IQSEC1: variants seen among roughly 807,000 people sequenced by gnomAD.
IQSEC1 encodes IQ motif and SEC7 domain-containing protein 1.
Under a neutral mutation model 91.0 loss-of-function variants are expected in IQSEC1, and 31 were observed. The ratio of observed to expected loss-of-function variants is 0.34; its 90% CI spans 0.26 to 0.46. IQSEC1 has a LOEUF of 0.46. IQSEC1 is among the 20% of genes least tolerant of loss of function. IQSEC1 has a pLI of 1.00. For missense variants in IQSEC1, 1,388 were observed against 1,575.6 expected, an observed-to-expected ratio of 0.88 and a Z score of 2.02; for synonymous variants, 699 against 662.6, an observed-to-expected ratio of 1.05 and a Z score of -0.84.
At position 13,099,817 on chromosome 3, in the gene IQSEC1, A is replaced by G. The variant is rs370450527; in HGVS notation, c.303-52295T>C. ...CTCTCTCTGTGAAACCACAGCCATC[A>G]GTGAAGGGGGCAGTTGCACCTCAGC... On this transcript the variant is annotated intron_variant, in intron 2 of 15. Coordinates refer to the IQSEC1 transcript ENST00000648114. Among the ~76,000 whole-genome samples the G allele has an allele frequency of 5.8e-4, 88 of 152,178 alleles. 1 individual carries two copies. In the South Asian group the frequency reaches 0.016, roughly 27 times the overall value.
chr3:12,943,654 G>A (rs1366606286), intron 1 of IQSEC1, among the ~76,000 whole-genome samples: 2 of 152,226 alleles, frequency 1.3e-5, no homozygotes, highest in Non-Finnish European at 2.9e-5. Flanking sequence ...ACCCAGGGCA[G>A]TGGGTCCAGC....
At chr3:13,178,886 C>T (rs1430744089) in intron 1 of IQSEC1, among the ~76,000 whole-genome samples, 1 of 152,198 alleles carries the variant, frequency 6.6e-6, no homozygotes, top group Non-Finnish European at 1.5e-5. Flanking sequence ...TTGAACCTTA[C>T]ATTTGTTTTA....
intron 4 of IQSEC1, among the ~76,000 whole-genome samples, chr3:12,923,691 A>C (rs1696842878): frequency 1.3e-5 from 2 of 152,236 alleles, no homozygotes; most frequent in South Asian, 4.1e-4. Context: ...TCCTAGGGAG[A>C]AGCAGCAGAG....
rs1695358881 is a variant in IQSEC1, at chr3:12,909,489, A to C, written c.2417-55T>G. The C allele has an allele frequency of 6.5e-7, 1 of 1,530,486 alleles. No homozygotes were observed. The highest frequency in any genetic ancestry group is 1.7e-5 in the Admixed American group (1 of 58,228). 94.8% of individuals were successfully genotyped at this position (1,530,486 alleles called of 1,614,324 possible). A position where few individuals can be genotyped will look rare whatever the true frequency, so the allele number is the denominator to read the frequency against. Reference sequence around the variant, plus strand: ...CCACGGGTCTCAGTGTGTTCTCTGCAATCTCCTCTCTGGTCAGGAAACAAT... The same window carrying C: ...CCACGGGTCTCAGTGTGTTCTCTGCCATCTCCTCTCTGGTCAGGAAACAAT... On this transcript the variant is annotated intron_variant, in intron 10 of 13. Coordinates refer to ENST00000613206, the MANE Select transcript of IQSEC1 (RefSeq NM_001134382.3). This position sits in a 1 kb window ranked among gnomAD's most constrained non-coding sequence, Gnocchi z 4.9.
At chr3:12,972,900 T>C (rs534365436) in intron 1 of IQSEC1, among the ~76,000 whole-genome samples, 5 of 152,334 alleles carry the variant, frequency 3.3e-5, no homozygotes, top group African/African-American at 1.2e-4. Flanking sequence ...GACAGCTGCA[T>C]GGAACACAGC....
chr3:13,115,632 C>T (rs1706322774), intron 2 of IQSEC1, among the ~76,000 whole-genome samples: 1 of 152,248 alleles, frequency 6.6e-6, no homozygotes, highest in African/African-American at 2.4e-5. Context: ...CACACTGGCA[C>T]CTGGGCTCAG....
intron 1 of IQSEC1, among the ~76,000 whole-genome samples, chr3:13,034,744 C>T (rs537153471): frequency 7.6e-4 from 116 of 152,350 alleles, no homozygotes; most frequent in Non-Finnish European, 1.5e-3. Context: ...TCTCAAGGCC[C>T]TGCCAGTTTG....
At chr3:13,032,970 CT>C (rs1487222246) in intron 1 of IQSEC1, among the ~76,000 whole-genome samples, 1 of 152,242 alleles carries the variant, frequency 6.6e-6, no homozygotes, top group African/African-American at 2.4e-5. Context: ...ACACGAGGGC[CT>C]CGGGGCCTGG....
chr3:13,170,030 G>A (rs1294212562), intron 1 of IQSEC1, among the ~76,000 whole-genome samples: 2 of 152,230 alleles, frequency 1.3e-5, no homozygotes, highest in Non-Finnish European at 2.9e-5. Flanking sequence ...GGAATGTCAA[G>A]AGGTCTTCAC....
At chr3:13,212,156 T>C (rs868361424) in intron 1 of IQSEC1, among the ~76,000 whole-genome samples, 1 of 152,204 alleles carries the variant, frequency 6.6e-6, no homozygotes. Context: ...ACCAAGGTTG[T>C]TGTGCTATCA....
chr3:13,153,692 C>T (rs1409758707), intron 2 of IQSEC1, among the ~76,000 whole-genome samples: 1 of 152,202 alleles, frequency 6.6e-6, no homozygotes, highest in Non-Finnish European at 1.5e-5. Context: ...AGCAGGTGGG[C>T]ATGCACGGTG....
intron 1 of IQSEC1, among the ~76,000 whole-genome samples, chr3:12,951,045 A>C (rs1699509726): frequency 6.6e-6 from 1 of 152,186 alleles, no homozygotes. Context: ...AAGGAGTTCA[A>C]GGCTGCAGTT....
chr3:13,066,528 C>T (rs560954869), intron 1 of IQSEC1, among the ~76,000 whole-genome samples: 41 of 152,336 alleles, frequency 2.7e-4, no homozygotes, highest in African/African-American at 3.4e-4. Flanking sequence ...AGGGCACTCC[C>T]GGCAGAGGAG....
chr3:13,118,766 G>A (rs745837197), intron 2 of IQSEC1, among the ~76,000 whole-genome samples: 2 of 152,124 alleles, frequency 1.3e-5, no homozygotes, highest in Non-Finnish European at 2.9e-5. Context: ...CGTACTTAAC[G>A]TCATGACACC....
chr3:13,083,080 C>A (rs181586388), intron 2 of IQSEC1, among the ~76,000 whole-genome samples: 34 of 152,362 alleles, frequency 2.2e-4, no homozygotes, highest in African/African-American at 6.7e-4. Flanking sequence ...CCACCTCCCC[C>A]ACTGGAATGT....
intron 3 of IQSEC1, among the ~76,000 whole-genome samples, chr3:12,932,056 C>T (rs930667944): frequency 2.0e-5 from 3 of 152,214 alleles, no homozygotes; most frequent in Admixed American, 6.5e-5. Context: ...GTGTGGCTCA[C>T]CTGTGACATG....
rs906073459 is a variant in IQSEC1, at chr3:12,979,565, T to C, written c.24-37700A>G. 6.6e-6 allele frequency among the ~76,000 whole-genome samples: 1 copy of C among 152,220 alleles called. No individual in the cohort carries two copies. Among genetic ancestry groups the C allele is most frequent in the Non-Finnish European group, 1.5e-5 (1 of 68,038 alleles). On this transcript the variant is annotated intron_variant, in intron 1 of 13. Transcript: ENST00000613206. This position sits in a 1 kb window ranked among gnomAD's most constrained non-coding sequence, Gnocchi z 4.3. ...TGTCTCTGGGGAGGGGAATGGGACG[T>C]GGAAGGGCGTGGCGCATAGCTCACT...
chr3:13,176,254 A>C (rs1693726309), intron 1 of IQSEC1, among the ~76,000 whole-genome samples: 1 of 152,162 alleles, frequency 6.6e-6, no homozygotes, highest in Non-Finnish European at 1.5e-5. Context: ...AACTTGCCTC[A>C]ACCTCAGGAG....
At chr3:13,208,743 C>T (rs1694388051) in intron 1 of IQSEC1, among the ~76,000 whole-genome samples, 2 of 152,178 alleles carry the variant, frequency 1.3e-5, no homozygotes. Flanking sequence ...GAGAGGAGCC[C>T]CCAACTCCGA....
Sources: gnomAD v4.1 joint callset for allele counts (sites outside exome capture counted in the v4.1 genomes callset) on GRCh38, gnomAD v4.1.1 for gene constraint, Gnocchi (gnomAD v3.1) non-coding constraint, MANE v1.5 for transcripts, NCBI Gene and HGNC (gene_info 2026-07-23, HGNC 2026-07-21) for gene names.